Variants in RAB11FIP4 observed in about 807,000 individuals in gnomAD.
RAB11FIP4 encodes rab11 family-interacting protein 4.
Under a neutral mutation model 74.3 loss-of-function variants are expected in RAB11FIP4, and 23 were observed. The ratio of observed to expected loss-of-function variants is 0.31; its 90% CI spans 0.22 to 0.44. The LOEUF is 0.44. Ranked by LOEUF, RAB11FIP4 falls within the 20% of genes least tolerant of loss-of-function variation. RAB11FIP4 has a pLI of 1.00. For missense variants in RAB11FIP4, 630 were observed against 863.9 expected (o/e 0.73, Z 3.39); for synonymous variants, 360 against 359.9 (o/e 1.00, Z 0.00).
At chr17:31,451,526 A>T (rs548298947) in intron 3 of RAB11FIP4, among the ~76,000 whole-genome samples, 2 of 151,320 alleles carry the variant, frequency 1.3e-5, no homozygotes, top group Admixed American at 1.3e-4. Context: ...GCCTCCAGTG[A>T]CAAAATCCAA....
intron 3 of RAB11FIP4, among the ~76,000 whole-genome samples, chr17:31,454,799 G>A (rs1392678803): frequency 6.6e-6 from 1 of 152,096 alleles, no homozygotes; most frequent in Admixed American, 6.5e-5. Context: ...CAGGAAAATC[G>A]CTTGAACCCA....
intron 3 of RAB11FIP4, among the ~76,000 whole-genome samples, chr17:31,517,198 G>T (rs2072571370): frequency 7.7e-6 from 1 of 130,652 alleles, no homozygotes; most frequent in Non-Finnish European, 1.7e-5. Context: ...GTGCGGGGGG[G>T]GGGGCGGTGG....
intron 3 of RAB11FIP4, among the ~76,000 whole-genome samples, chr17:31,492,484 C>T (rs1396746962): frequency 6.6e-6 from 1 of 152,144 alleles, no homozygotes; most frequent in African/African-American, 2.4e-5. Context: ...GGCTACCTCT[C>T]CTGGCCAGCA....
intron 3 of RAB11FIP4, among the ~76,000 whole-genome samples, chr17:31,461,397 T>G (rs138146953): frequency 6.6e-6 from 1 of 152,218 alleles, no homozygotes; most frequent in Non-Finnish European, 1.5e-5. Context: ...TGAGCACTGA[T>G]GTAAGCCCTG....
intron 3 of RAB11FIP4, among the ~76,000 whole-genome samples, chr17:31,491,161 C>T (rs1177701072): frequency 2.0e-5 from 3 of 152,238 alleles, no homozygotes; most frequent in African/African-American, 7.2e-5. Flanking sequence ...GGATGTCGTA[C>T]GATCTTTGCC....
chr17:31,466,841 G>C (rs537305196), intron 3 of RAB11FIP4, among the ~76,000 whole-genome samples: 369 of 152,312 alleles, frequency 2.4e-3, no homozygotes, highest in African/African-American at 8.0e-3. Context: ...TGGGGACCCA[G>C]GGATGCTACC....
Position 31,536,765 on chromosome 17 carries a change from C to A in RAB11FIP4, c.*5033C>A, listed in dbSNP as rs2072971401. 3 of 383,342 alleles carry A rather than the reference C, an allele frequency of 7.8e-6. No individual in the cohort carries two copies. Among genetic ancestry groups the A allele is most frequent in the Middle Eastern group, 6.5e-4 (1 of 1,536 alleles). The allele number at this position is 383,342 out of a possible 1,614,324, so 23.7% of individuals were successfully genotyped here. Reference sequence around the variant, plus strand: ...GGCTGGAACCAGGAGCCTGCCCTACCTGCATGGCAGGACAACTCTGAGGCC... The same window carrying A: ...GGCTGGAACCAGGAGCCTGCCCTACATGCATGGCAGGACAACTCTGAGGCC... On this transcript the variant is annotated 3_prime_UTR_variant, in exon 15 of 15. Transcript: ENST00000621161.
chr17:31,531,750 A>AG lies in RAB11FIP4; in HGVS notation c.*19dup. ...AACACTAAGGCACGGGGCTGGCTGC[A>AG]GAGCAGCCTTAGGACCCTGGGACCA... On this transcript the variant is annotated 3_prime_UTR_variant, in exon 15 of 15. Transcript: ENST00000621161. 6.5e-7 allele frequency: 1 copy of AG among 1,547,750 alleles called. No individual in the cohort carries two copies. Among genetic ancestry groups the AG allele is most frequent in the Middle Eastern group, 1.7e-4 (1 of 5,946 alleles).
At chr17:31,440,306 T>C (rs781527520) in intron 3 of RAB11FIP4, among the ~76,000 whole-genome samples, 5 of 152,246 alleles carry the variant, frequency 3.3e-5, no homozygotes, top group Non-Finnish European at 7.3e-5. Flanking sequence ...TGAAATTTTA[T>C]CTTTATTGTA....
intron 1 of RAB11FIP4, among the ~76,000 whole-genome samples, chr17:31,431,017 G>A (rs935810017): frequency 7.9e-5 from 12 of 152,112 alleles, no homozygotes; most frequent in African/African-American, 2.4e-4. Context: ...CAAAAAGAAA[G>A]TCAAGGATCT....
At chr17:31,433,933 C>G in intron 2 of RAB11FIP4, 101 bp from the exon 3 acceptor site, 1 of 1,202,238 alleles carries the variant, frequency 8.3e-7, no homozygotes, top group Non-Finnish European at 1.2e-6. Flanking sequence ...GGGCCCCCAC[C>G]TCAGCCCTTC....
intron 1 of RAB11FIP4, among the ~76,000 whole-genome samples, chr17:31,402,111 A>G (rs960906578): frequency 6.6e-6 from 1 of 151,906 alleles, no homozygotes; most frequent in African/African-American, 2.4e-5. Context: ...CCATCCATTC[A>G]TTAGCCACGC....
Position 31,391,841 on chromosome 17 carries a change from G to T in RAB11FIP4, c.-12G>T, listed in dbSNP as rs2151610143. On this transcript the variant is annotated 5_prime_UTR_variant, in exon 1 of 15. Transcript: ENST00000621161. ...GGGCGAGGGGTCCGGGCTGAGCTGC[G>T]GGCCGGCCCGGATGGCGGGCGGCGC... The T allele has an allele frequency of 2.8e-6, 3 of 1,063,074 alleles. No homozygotes were observed. Among genetic ancestry groups the T allele is most frequent in the Non-Finnish European group, 3.4e-6 (3 of 882,938 alleles). 65.9% of individuals were successfully genotyped at this position (1,063,074 alleles called of 1,614,324 possible). A position where few individuals can be genotyped will look rare whatever the true frequency, so the allele number is the denominator to read the frequency against.
At chr17:31,524,967 C>T in intron 9 of RAB11FIP4, 123 bp from the exon 10 acceptor site, 2 of 1,175,256 alleles carry the variant, frequency 1.7e-6, no homozygotes, top group South Asian at 1.3e-5. Context: ...GCTACTGGCC[C>T]ACACGCCCTC....
At chr17:31,517,222 G>A (rs1241081469) in intron 3 of RAB11FIP4, among the ~76,000 whole-genome samples, 5 of 95,654 alleles carry the variant, frequency 5.2e-5, no homozygotes, top group Non-Finnish European at 1.1e-4. Flanking sequence ...GGGCGGGGGG[G>A]AAGGGGATGC....
chr17:31,525,182 G>A lies in RAB11FIP4; in HGVS notation c.1226G>A (p.Gly409Asp). ...GCGCGGCGCCACCGCGAGGCCTACG[G>A]CAAGCTGGAGAGGGAGAAGGCTACC... Reference protein sequence around the residue: ...EEARRHREAYGKLEREKATEV... With the variant: ...EEARRHREAYDKLEREKATEV... Residue 409 changes from glycine to aspartate, a missense_variant, in exon 10 of 15, where the codon GGC becomes GAC. Gly to Asp is a moderately conservative substitution (Grantham distance 94, BLOSUM62 -1). Transcript: ENST00000621161. The A allele has an allele frequency of 1.3e-6, 2 of 1,549,148 alleles. No individual in the cohort carries two copies. Among genetic ancestry groups the A allele is most frequent in the East Asian group, 2.4e-5 (1 of 40,902 alleles).
intron 4 of RAB11FIP4, among the ~76,000 whole-genome samples, chr17:31,519,911 G>A (rs1300928714): frequency 6.6e-6 from 1 of 151,466 alleles, no homozygotes; most frequent in Non-Finnish European, 1.5e-5. Context: ...CCAGGAGTTT[G>A]AGACCAGCCT....
rs373374509 is a variant in RAB11FIP4, at chr17:31,414,828, C to T, written c.160-16985C>T. Among the ~76,000 whole-genome samples, 20 of 152,238 alleles carry T rather than the reference C, an allele frequency of 1.3e-4. No individual in the cohort carries two copies. In the East Asian group the frequency reaches 1.5e-3, roughly 12 times the overall value. ...CCTTCATTGGGCAGGGGCCCTCCAG[C>T]TGTGAGAACCAGGAAGCAATGCAAA... On this transcript the variant is annotated intron_variant, in intron 1 of 14. Transcript: ENST00000621161.
At chr17:31,529,421 C>T (rs569463481) in intron 13 of RAB11FIP4, among the ~76,000 whole-genome samples, 1 of 152,062 alleles carries the variant, frequency 6.6e-6, no homozygotes, top group African/African-American at 2.4e-5. Flanking sequence ...CACCACCACA[C>T]CTGGCTAATT....
Sources: gnomAD v4.1 joint callset for allele counts (sites outside exome capture counted in the v4.1 genomes callset) on GRCh38, gnomAD v4.1.1 for gene constraint, MANE v1.5 for transcripts, NCBI Gene and HGNC (gene_info 2026-07-23, HGNC 2026-07-21) for gene names.